The following XRCC6 variants were observed in gnomAD, a reference collection of about 807,000 sequenced individuals.
The protein encoded by XRCC6 is X-ray repair cross complementing 6, also known as DNA repair protein Ku70.
Under a neutral mutation model 65.7 loss-of-function variants are expected in XRCC6, and 5 were observed. The observed-to-expected ratio is 0.08, with a 90% CI of 0.04 to 0.16. XRCC6 has a LOEUF of 0.16. Among genes scored for constraint, XRCC6 ranks in the 10% least tolerant of loss-of-function variants. The probability of loss-of-function intolerance (pLI) is 1.00; values close to 1 mark genes in which losing one functional copy is unlikely to be tolerated. For missense variants in XRCC6, 447 were observed against 738.1 expected (o/e 0.61, Z 4.57); for synonymous variants, 270 against 270.6 (o/e 1.00, Z 0.02).
At position 41,655,717 on chromosome 22, in the gene XRCC6, T is replaced by TC. The variant is rs2068038677; in HGVS notation, c.1292-1186_1292-1185insC. 2.0e-5 allele frequency among the ~76,000 whole-genome samples: 3 copies of TC among 149,746 alleles called. No individual in the cohort carries two copies. The South Asian group carries it at 6.4e-4, about 32-fold the overall frequency. On this transcript the variant is annotated intron_variant, in intron 9 of 12. Transcript: ENST00000360079. Reference sequence around the variant, plus strand: ...CTGTCTCAAAAAAAAAAAAAATAGTTTTTTCCCCCCCTTCTTTTTTTACAT... The same window carrying TC: ...CTGTCTCAAAAAAAAAAAAAATAGTTCTTTTCCCCCCCTTCTTTTTTTACAT...
chr22:41,644,225 T>G (rs2067908101), intron 6 of XRCC6, among the ~76,000 whole-genome samples: 1 of 152,172 alleles, frequency 6.6e-6, no homozygotes, highest in Non-Finnish European at 1.5e-5. Context: ...TTTCAAAAAT[T>G]TCAGGTTTTC....
intron 9 of XRCC6, among the ~76,000 whole-genome samples, chr22:41,654,088 A>G: frequency 6.6e-6 from 1 of 152,190 alleles, no homozygotes; most frequent in South Asian, 2.1e-4. Context: ...ATAGTGAGGT[A>G]TAGCGGAAAG....
chr22:41,662,492 A>G (rs2068108761), intron 12 of XRCC6, among the ~76,000 whole-genome samples: 1 of 152,220 alleles, frequency 6.6e-6, no homozygotes, highest in Admixed American at 6.5e-5. Flanking sequence ...ACTCAGCTAT[A>G]TATGTTGGAC....
chr22:41,661,539 TCA>T (rs2147120093), intron 12 of XRCC6, 95 bp downstream of exon 12: 1 of 1,061,098 alleles, frequency 9.4e-7, no homozygotes, highest in East Asian at 2.5e-5. Context: ...AAATATCTAT[TCA>T]CAGTCTAGTT....
At chr22:41,657,886 C>T (rs764644908) in intron 10 of XRCC6, among the ~76,000 whole-genome samples, 1 of 151,636 alleles carries the variant, frequency 6.6e-6, no homozygotes, top group Non-Finnish European at 1.5e-5. Context: ...TACCGTGGCA[C>T]GATCATGGCT....
chr22:41,636,347 G>T (rs1011456535), intron 4 of XRCC6, 96 bp downstream of exon 4: 1 of 1,501,454 alleles, frequency 6.7e-7, no homozygotes, highest in African/African-American at 1.4e-5. Context: ...GTTACATCTT[G>T]TCTAGGAGTA....
In XRCC6 at chr22:41,653,545, C is replaced by G; in HGVS notation, c.1146C>G (p.Phe382Leu). ...ESLVIGSSTL[F>L]SALLIKCLEK... is the part of the protein sequence containing the mutation. The stretch of plus-strand genomic sequence containing the variant: ...GTTTTCTAGGGAGCTCAACCCTGTT[C>G]AGTGCTCTGCTCATCAAGTGTCTGG... Residue 382 changes from phenylalanine (F) to leucine (L), a missense_variant, in exon 9 of 13, where the codon TTC (phenylalanine) becomes TTG (leucine). This residue lies in a region of XRCC6 where 201 missense variants were observed against 374.1 expected (regional missense o/e 0.54). Transcript: ENST00000360079. 6.2e-7 allele frequency: 1 copy of G among 1,610,854 alleles called. No individual in the cohort carries two copies. Among genetic ancestry groups the G allele is most frequent in the Non-Finnish European group, 8.5e-7 (1 of 1,177,798 alleles).
intron 2 of XRCC6, among the ~76,000 whole-genome samples, chr22:41,626,614 C>T (rs941461554): frequency 6.0e-5 from 9 of 150,876 alleles, no homozygotes; most frequent in African/African-American, 1.2e-4. Context: ...ACCACCACAC[C>T]TGGCTAATGT....
intron 3 of XRCC6, among the ~76,000 whole-genome samples, chr22:41,632,246 A>G (rs1187699475): frequency 6.6e-6 from 1 of 152,162 alleles, no homozygotes; most frequent in Non-Finnish European, 1.5e-5. Flanking sequence ...GATTTATTAT[A>G]TATCTCATGT....
chr22:41,631,377 G>A (rs1303685803), intron 3 of XRCC6, among the ~76,000 whole-genome samples: 5 of 150,998 alleles, frequency 3.3e-5, no homozygotes, highest in African/African-American at 1.2e-4. Context: ...CAGACGGGGC[G>A]GCTCCCGGAC....
intron 6 of XRCC6, among the ~76,000 whole-genome samples, chr22:41,645,698 CTT>C (rs909409152): frequency 2.7e-4 from 36 of 134,992 alleles, no homozygotes; most frequent in Admixed American, 5.9e-4. Flanking sequence ...ATTCTTTCTT[CTT>C]TTTTTTTTTT....
At chr22:41,628,965 C>CAAAAAAAA (rs11413169) in intron 3 of XRCC6, among the ~76,000 whole-genome samples, 3 of 62,732 alleles carry the variant, frequency 4.8e-5, no homozygotes, top group Non-Finnish European at 8.0e-5. Context: ...GACTCTGTCT[C>CAAAAAAAA]AAAAAAAAAA....
At chr22:41,644,938 G>A (rs2067916466) in intron 6 of XRCC6, among the ~76,000 whole-genome samples, 1 of 152,158 alleles carries the variant, frequency 6.6e-6, no homozygotes, top group Non-Finnish European at 1.5e-5. Flanking sequence ...CCTTGGGCAA[G>A]TCATGTAACT....
At chr22:41,627,282 G>A (rs975603952) in intron 2 of XRCC6, among the ~76,000 whole-genome samples, 1 of 152,064 alleles carries the variant, frequency 6.6e-6, no homozygotes, top group Middle Eastern at 3.2e-3. Context: ...TAAGGGGTGG[G>A]TGTGTGGTAG....
At chr22:41,634,386 T>G (rs1426108621) in intron 3 of XRCC6, among the ~76,000 whole-genome samples, 1 of 151,992 alleles carries the variant, frequency 6.6e-6, no homozygotes, top group East Asian at 1.9e-4. Context: ...AGACATTGTT[T>G]TGCCATGTTG....
intron 11 of XRCC6, among the ~76,000 whole-genome samples, chr22:41,660,404 A>G (rs2068088727): frequency 1.3e-5 from 2 of 152,084 alleles, no homozygotes; most frequent in South Asian, 4.1e-4. Flanking sequence ...AATAAATCCT[A>G]TTCTATCAGT....
chr22:41,637,921 T>A (rs2067826905), intron 6 of XRCC6, 130 bp downstream of exon 6: 1 of 981,488 alleles, frequency 1.0e-6, no homozygotes, highest in Non-Finnish European at 1.4e-6. Context: ...GCCTAGGAGT[T>A]GAGACCAGCT....
In XRCC6 at chr22:41,632,170, T is replaced by TGGGGAG. The variant is rs1569082943; in HGVS notation, c.195+3940_195+3941insGGGGAG. Among the ~76,000 whole-genome samples the TGGGGAG allele has an allele frequency of 2.4e-4, 35 of 146,138 alleles. 1 individual carries two copies. The highest frequency in any genetic ancestry group is 8.5e-4 in the African/African-American group (32 of 37,556). ...GAGAGGGAGACCGTGGGGAGAGGGA[T>TGGGGAG]AGGGAGAGGGAGAGGGAGAGGGATT... On this transcript the variant is annotated intron_variant, in intron 3 of 12. Transcript: ENST00000360079.
At chr22:41,623,148 G>A (rs1229311809) in intron 2 of XRCC6, among the ~76,000 whole-genome samples, 5 of 151,408 alleles carry the variant, frequency 3.3e-5, no homozygotes, top group African/African-American at 1.2e-4. Flanking sequence ...TGAGATCATC[G>A]TAGCTCACTG....
Sources: gnomAD v4.1 joint callset for allele counts (sites outside exome capture counted in the v4.1 genomes callset) on GRCh38, gnomAD v4.1.1 for gene constraint, gnomAD v4.1.1 regional missense constraint, MANE v1.5 for transcripts, NCBI Gene and HGNC (gene_info 2026-07-23, HGNC 2026-07-21) for gene names.